Variants in PDE8B observed in about 807,000 individuals in gnomAD.
PDE8B encodes the protein high affinity cAMP-specific and IBMX-insensitive 3',5'-cyclic phosphodiesterase 8B.
PDE8B carries 26 observed loss-of-function variants against 101.3 expected under a neutral mutation model. That is an observed-to-expected ratio of 0.26 (90% CI 0.19 to 0.36). PDE8B has a LOEUF of 0.36. Among genes scored for constraint, PDE8B ranks in the 10% least tolerant of loss-of-function variants. The pLI is 1.00. For synonymous variants in PDE8B, 424 were observed against 429.3 expected, an observed-to-expected ratio of 0.99 and a Z score of 0.15; for missense variants, 810 against 1,163.1, an observed-to-expected ratio of 0.70 and a Z score of 4.42.
At chr5:77,407,235 G>T in intron 12 of PDE8B, 146 bp from the exon 13 acceptor site, 1 of 721,550 alleles carries the variant, frequency 1.4e-6, no homozygotes. Context: ...ACCAGCCTTG[G>T]CAGAAGAGAT....
chr5:77,332,635 C>T (rs1017765368), intron 5 of PDE8B, among the ~76,000 whole-genome samples: 59 of 152,158 alleles, frequency 3.9e-4, no homozygotes, highest in African/African-American at 7.2e-4. Context: ...GTTGGGAGTT[C>T]GAGACCAGCC....
the PDE8B span, among the ~76,000 whole-genome samples, chr5:77,128,029 T>G: frequency 1.3e-5 from 2 of 152,276 alleles, no homozygotes; most frequent in South Asian, 4.1e-4. Context: ...TGGGCTTGAG[T>G]TGATAGTTGT....
rs1226618633 is a variant in PDE8B at position 77,422,083 on chromosome 5, A to G, written c.2418+95A>G. On this transcript the variant is annotated intron_variant, in intron 20 of 21. Transcript: ENST00000264917. ...GGATTCTCCAGCTGAGTAACTTTTT[A>G]CCAATTAGTTAACCACTCCTCCCTG... 1.7e-5 allele frequency: 22 copies of G among 1,313,762 alleles called. No homozygotes were observed. In the Admixed American group the frequency reaches 2.9e-4, roughly 17 times the overall value. 81.4% of individuals were successfully genotyped at this position (1,313,762 alleles called of 1,614,324 possible).
At chr5:77,129,408 T>C in the PDE8B span, among the ~76,000 whole-genome samples, 1 of 152,162 alleles carries the variant, frequency 6.6e-6, no homozygotes, top group Non-Finnish European at 1.5e-5. Flanking sequence ...CTAAGCATAC[T>C]TTGCAGGTAG....
intron 10 of PDE8B, among the ~76,000 whole-genome samples, chr5:77,383,640 CTTGAG>C (rs1171821875): frequency 1.3e-5 from 2 of 151,938 alleles, no homozygotes; most frequent in African/African-American, 4.9e-5. Context: ...TTTAATCCAT[CTTGAG>C]TTAATTTTTG....
chr5:77,238,080 G>T (rs1755045889), intron 1 of PDE8B, among the ~76,000 whole-genome samples: 1 of 152,172 alleles, frequency 6.6e-6, no homozygotes, highest in South Asian at 2.1e-4. Context: ...ATTTCTTGGA[G>T]TTTATCGTGT....
At chr5:77,183,449 G>A in the PDE8B span, among the ~76,000 whole-genome samples, 1 of 152,140 alleles carries the variant, frequency 6.6e-6, no homozygotes, top group East Asian at 1.9e-4. Context: ...ACAAATGGGA[G>A]AGCTGAGACT....
chr5:77,420,538 G>A (rs141318843), intron 19 of PDE8B, among the ~76,000 whole-genome samples: 16 of 152,124 alleles, frequency 1.1e-4, no homozygotes, highest in African/African-American at 2.2e-4. Context: ...CCTGTTGAGC[G>A]GCAGAGGTTG....
At chr5:77,117,608 C>T in the PDE8B span, among the ~76,000 whole-genome samples, 8 of 152,196 alleles carry the variant, frequency 5.3e-5, no homozygotes, top group Non-Finnish European at 1.2e-4. Context: ...AACCTGGGTC[C>T]ACCAGTTCCG....
chr5:77,173,557 G>A, the PDE8B span, among the ~76,000 whole-genome samples: 1 of 152,038 alleles, frequency 6.6e-6, no homozygotes, highest in African/African-American at 2.4e-5. Context: ...AGAAACAGAA[G>A]GGAAGATAAA....
the PDE8B span, among the ~76,000 whole-genome samples, chr5:77,196,041 T>A: frequency 3.9e-5 from 6 of 152,246 alleles, no homozygotes; most frequent in African/African-American, 1.4e-4. Flanking sequence ...CGTCTTTTCA[T>A]GTGCTCTTTG....
chr5:77,320,921 C>G (rs1774903709), intron 2 of PDE8B, among the ~76,000 whole-genome samples: 2 of 152,000 alleles, frequency 1.3e-5, no homozygotes, highest in Non-Finnish European at 2.9e-5. Flanking sequence ...GAATGCATTA[C>G]TTAAGTTTTG....
intron 1 of PDE8B, among the ~76,000 whole-genome samples, chr5:77,307,032 C>T (rs939704458): frequency 5.3e-5 from 8 of 152,152 alleles, no homozygotes; most frequent in African/African-American, 1.2e-4. Context: ...GATCTTATTA[C>T]GTTAATCCTT....
the PDE8B span, among the ~76,000 whole-genome samples, chr5:77,184,708 G>A: frequency 6.6e-6 from 1 of 152,104 alleles, no homozygotes; most frequent in Non-Finnish European, 1.5e-5. Context: ...GGCTGGGCAT[G>A]ATGGCTCACA....
chr5:77,395,937 C>T (rs1011523129), intron 10 of PDE8B, among the ~76,000 whole-genome samples: 1 of 152,188 alleles, frequency 6.6e-6, no homozygotes, highest in Non-Finnish European at 1.5e-5. Context: ...CTGACAGAGG[C>T]TTTTATCCAG....
At chr5:77,423,838 T>G (rs528038488) in intron 20 of PDE8B, among the ~76,000 whole-genome samples, 1 of 152,084 alleles carries the variant, frequency 6.6e-6, no homozygotes, top group South Asian at 2.1e-4. Context: ...GGTTTCCCTG[T>G]GTTGCCCAGG....
intron 17 of PDE8B, among the ~76,000 whole-genome samples, chr5:77,413,648 C>T (rs1003533872): frequency 2.6e-5 from 4 of 152,066 alleles, no homozygotes; most frequent in African/African-American, 4.8e-5. Context: ...GTTACTAGAT[C>T]TATAGGTTAA....
At chr5:77,162,630 A>T in the PDE8B span, among the ~76,000 whole-genome samples, 1 of 152,220 alleles carries the variant, frequency 6.6e-6, no homozygotes, top group Non-Finnish European at 1.5e-5. Context: ...ATTTTTGACC[A>T]AATAATCTTG....
chr5:77,402,220 A>T (rs770614190), intron 11 of PDE8B, among the ~76,000 whole-genome samples: 2 of 152,078 alleles, frequency 1.3e-5, no homozygotes, highest in Non-Finnish European at 2.9e-5. Flanking sequence ...TGATCCCAAC[A>T]ATATCACTTA....
Sources: gnomAD v4.1 joint callset for allele counts (sites outside exome capture counted in the v4.1 genomes callset) on GRCh38, gnomAD v4.1.1 for gene constraint, MANE v1.5 for transcripts, NCBI Gene and HGNC (gene_info 2026-07-23, HGNC 2026-07-21) for gene names.